The following HK1 variants were observed in gnomAD, a reference collection of about 807,000 sequenced individuals.
The protein encoded by HK1 is hexokinase-1.
Under a neutral mutation model 91.6 loss-of-function variants are expected in HK1, and 28 were observed. The observed-to-expected ratio is 0.31, with a 90% CI of 0.23 to 0.42. The LOEUF (loss-of-function observed/expected upper bound fraction) is 0.42, where lower values mean the gene tolerates loss of function less well. HK1 is among the 10% of genes least tolerant of loss of function. HK1 has a pLI of 1.00. For missense variants in HK1, 770 were observed against 1,219.8 expected (o/e 0.63, Z 5.49); for synonymous variants, 430 against 468.1 (o/e 0.92, Z 1.05).
chr10:69,381,303 G>A (rs1564558114), intron 9 of HK1, among the ~76,000 whole-genome samples: 1 of 152,148 alleles, frequency 6.6e-6, no homozygotes, highest in Non-Finnish European at 1.5e-5. Context: ...GAAAGAGAGA[G>A]AAATAGTTTT....
chr10:69,363,322 A>C (rs1849532870), intron 3 of HK1, among the ~76,000 whole-genome samples: 1 of 152,224 alleles, frequency 6.6e-6, no homozygotes, highest in Non-Finnish European at 1.5e-5. Context: ...TAAAGAAGGG[A>C]GGTTCTTAGT....
At chr10:69,270,640 G>A (rs1380744974) in intron 1 of HK1, among the ~76,000 whole-genome samples, 1 of 151,880 alleles carries the variant, frequency 6.6e-6, no homozygotes, top group African/African-American at 2.4e-5. Context: ...ACCTTTAAGT[G>A]TTACTTTCTC....
chr10:69,338,730 T>A, intron 1 of HK1: 1 of 1,257,916 alleles, frequency 7.9e-7, no homozygotes, highest in Admixed American at 2.3e-5. Flanking sequence ...TGTGTGTATG[T>A]GTGAGTGTGT....
At position 69,318,925 on chromosome 10, in the gene HK1, G is replaced by A. The variant is rs768311917; in HGVS notation, c.-23G>A. 5.1e-6 allele frequency: 8 copies of A among 1,574,674 alleles called. No individual in the cohort carries two copies. The African/African-American group carries it at 5.4e-5, about 11-fold the overall frequency. ...AGGACCGACCGTCCCCACGCCTGCC[G>A]CCCCGCGACCCCGACCGCCAGCATG... On this transcript the variant is annotated 5_prime_UTR_variant, in exon 1 of 18. Coordinates refer to ENST00000359426, the MANE Select transcript of HK1 (RefSeq NM_000188.3).
intron 3 of HK1, among the ~76,000 whole-genome samples, chr10:69,363,634 C>T (rs1317052990): frequency 6.6e-6 from 1 of 152,190 alleles, no homozygotes; most frequent in South Asian, 2.1e-4. Flanking sequence ...CTGCCTTGGC[C>T]TCCCAAAGTA....
At position 69,360,035 on chromosome 10, in the gene HK1, G is replaced by A. The variant is rs1432665014; in HGVS notation, c.365G>A (p.Ser122Asn). The A allele has an allele frequency of 1.9e-6, 3 of 1,614,046 alleles. No individual in the cohort carries two copies. Among genetic ancestry groups the A allele is most frequent in the South Asian group, 1.1e-5 (1 of 91,074 alleles). Residue 122 changes from serine to asparagine, a missense_variant, in exon 3 of 18, where the codon AGT (serine) becomes AAT (asparagine). This residue lies in a region of HK1 where 449 missense variants were observed against 665.1 expected (regional missense o/e 0.68). Coordinates refer to ENST00000359426, the MANE Select transcript of HK1 (RefSeq NM_000188.3). ...ACCCCAGAGAACATCGTGCACGGCA[G>A]TGGAAGCCAGGTGGGTCCCTGCTCC... ...YDTPENIVHG[S>N]GSQLFDHVAE...
At chr10:69,344,500 C>A (rs1199811638) in intron 2 of HK1, among the ~76,000 whole-genome samples, 1 of 152,178 alleles carries the variant, frequency 6.6e-6, no homozygotes, top group East Asian at 1.9e-4. Flanking sequence ...TTCCAGACCC[C>A]CTTTGGACAG....
chr10:69,389,568 A>G (rs1465916934), intron 14 of HK1, among the ~76,000 whole-genome samples: 1 of 152,130 alleles, frequency 6.6e-6, no homozygotes, highest in Non-Finnish European at 1.5e-5. Context: ...TGAGGACCCA[A>G]AAGGCTCACT....
chr10:69,292,915 A>G (rs1471382685), intron 3 of HK1, among the ~76,000 whole-genome samples: 1 of 152,128 alleles, frequency 6.6e-6, no homozygotes, highest in Non-Finnish European at 1.5e-5. Flanking sequence ...GTTTGTCTCT[A>G]GCAGCCCTGA....
intron 15 of HK1, among the ~76,000 whole-genome samples, chr10:69,392,807 C>T (rs61173401): frequency 0.14 from 21,165 of 152,136 alleles, 1,585 homozygotes; most frequent in South Asian, 0.2. Flanking sequence ...TCAGGCCATC[C>T]TCTGCCACGG....
rs1847604223 is a variant in HK1 at position 69,329,808 on chromosome 10, C to G, written c.63+10798C>G. Among the ~76,000 whole-genome samples the G allele has an allele frequency of 2.6e-5, 4 of 152,124 alleles. No individual in the cohort carries two copies. The South Asian group carries it at 8.3e-4, about 32-fold the overall frequency. ...GTTCCCTGCCCCCCATCTCCTGCCC[C>G]TCCCCAGCACCAGCATGGTGTCTCC... On this transcript the variant is annotated intron_variant, in intron 1 of 17. Transcript: ENST00000359426.
intron 1 of HK1, among the ~76,000 whole-genome samples, chr10:69,280,710 A>G (rs1181123629): frequency 6.6e-6 from 1 of 152,144 alleles, no homozygotes; most frequent in Non-Finnish European, 1.5e-5. Context: ...GCAGGCACCA[A>G]ATCTGCTGGT....
Position 69,386,330 on chromosome 10 carries a change from T to C in HK1, c.1847T>C (p.Leu616Ser). Residue 616 changes from leucine to serine, a missense_variant, in exon 13 of 18, where the codon TTG (leucine) becomes TCG (serine). Leu to Ser is a moderately radical substitution (Grantham distance 145). Transcript: ENST00000359426. ...GTGCTTTTTATGTTGTAGGGAATCTTGATCACGTGGACAAAGGGTTTTAAG... is the reference window on the plus strand; with the variant it reads ...GTGCTTTTTATGTTGTAGGGAATCTCGATCACGTGGACAAAGGGTTTTAAG... ...CQQTSLDAGI[L>S]ITWTKGFKAT... is the part of the protein sequence containing the mutation. The C allele has an allele frequency of 1.2e-6, 2 of 1,613,816 alleles. No homozygotes were observed. Among genetic ancestry groups the C allele is most frequent in the Non-Finnish European group, 1.7e-6 (2 of 1,179,692 alleles).
In HK1 at chr10:69,364,663, G is replaced by A. The variant is rs1289533184; in HGVS notation, c.376-120G>A. ...CAGGGCCACCAGGTCCCAGGAGTAC[G>A]AGCACTTTGTTTGGGTAGATGTATT... On this transcript the variant is annotated intron_variant, in intron 3 of 17. Coordinates refer to ENST00000359426, the MANE Select transcript of HK1 (RefSeq NM_000188.3). 7 of 1,249,046 alleles carry A rather than the reference G, an allele frequency of 5.6e-6. No individual in the cohort carries two copies. In the East Asian group the frequency reaches 7.0e-5, roughly 12 times the overall value. The allele number at this position is 1,249,046 out of a possible 1,614,324, so 77.4% of individuals were successfully genotyped here. A position where few individuals can be genotyped will look rare whatever the true frequency, so the allele number is the denominator to read the frequency against.
In HK1 at chr10:69,369,637, C is replaced by T. The variant is rs1266941425; in HGVS notation, c.875+13C>T. The T allele has an allele frequency of 6.2e-7, 1 of 1,611,356 alleles. No homozygotes were observed. Among genetic ancestry groups the T allele is most frequent in the Non-Finnish European group, 8.5e-7 (1 of 1,178,474 alleles). ...CTGGAAAACAGCTGTGAGTCCTTGA[C>T]TTTTGCTTCTAACCACATATGTGAG... On this transcript the variant is annotated intron_variant, in intron 7 of 17. Coordinates refer to ENST00000359426, the MANE Select transcript of HK1 (RefSeq NM_000188.3). This position sits in a 1 kb window ranked among gnomAD's most constrained non-coding sequence, Gnocchi z 4.4.
intron 3 of HK1, among the ~76,000 whole-genome samples, chr10:69,295,476 T>C (rs2894081): frequency 0.67 from 102,389 of 152,112 alleles, 34,838 homozygotes; most frequent in East Asian, 0.84. Flanking sequence ...ATCCAGAGAA[T>C]TGGTAATCAT....
At chr10:69,394,242 C>G (rs551066461) in intron 15 of HK1, among the ~76,000 whole-genome samples, 8 of 152,294 alleles carry the variant, frequency 5.3e-5, no homozygotes, top group Non-Finnish European at 8.8e-5. Flanking sequence ...ATTTGAAGTC[C>G]CAAGAACAGG....
At chr10:69,340,886 C>T (rs549060739) in intron 1 of HK1, among the ~76,000 whole-genome samples, 77 of 152,220 alleles carry the variant, frequency 5.1e-4, no homozygotes, top group Middle Eastern at 3.4e-3. Flanking sequence ...CCAGGCACAC[C>T]GTCTGCTTGT....
chr10:69,400,877 A>T, intron 17 of HK1, 114 bp from the exon 18 acceptor site: 1 of 1,137,048 alleles, frequency 8.8e-7, no homozygotes, highest in Non-Finnish European at 1.3e-6. Flanking sequence ...AAAGTCGAAG[A>T]ATCCTAAGTC....
Sources: gnomAD v4.1 joint callset for allele counts (sites outside exome capture counted in the v4.1 genomes callset) on GRCh38, gnomAD v4.1.1 for gene constraint, gnomAD v4.1.1 regional missense constraint, Gnocchi (gnomAD v3.1) non-coding constraint, MANE v1.5 for transcripts, NCBI Gene and HGNC (gene_info 2026-07-23, HGNC 2026-07-21) for gene names.